The following NT5E variants were observed in gnomAD, a reference collection of about 807,000 sequenced individuals.
NT5E encodes 5'-nucleotidase ecto.
NT5E carries 53 observed loss-of-function variants against 55.1 expected under a neutral mutation model. That is an observed-to-expected ratio of 0.96 (90% confidence interval 0.77 to 1.21). NT5E has a LOEUF of 1.21. Ranked by LOEUF, NT5E falls within the 50% of genes most tolerant of loss-of-function variation. The probability of loss-of-function intolerance (pLI) is 0.00; values close to 1 mark genes in which losing one functional copy is unlikely to be tolerated. For synonymous variants in NT5E, 270 were observed against 278.4 expected, an observed-to-expected ratio of 0.97 and a Z score of 0.30; for missense variants, 683 against 724.3, an observed-to-expected ratio of 0.94 and a Z score of 0.65.
At chr6:85,474,732 C>T (rs145999607) in intron 3 of NT5E, among the ~76,000 whole-genome samples, 53 of 152,144 alleles carry the variant, frequency 3.5e-4, no homozygotes, top group East Asian at 2.5e-3. Context: ...AGTTCGAGAC[C>T]GGCCTGGGCA....
At chr6:85,454,703 A>G (rs1582366810) in intron 1 of NT5E, among the ~76,000 whole-genome samples, 1 of 152,048 alleles carries the variant, frequency 6.6e-6, no homozygotes, top group African/African-American at 2.4e-5. Flanking sequence ...TGTGCTTTTG[A>G]AAGTTTGCCT....
In NT5E at chr6:85,485,341, C is replaced by G. The variant is rs755136612; in HGVS notation, c.858C>G (p.Tyr286Ter). 1 of 1,614,166 alleles carries G rather than the reference C, an allele frequency of 6.2e-7. No homozygotes were observed. Among genetic ancestry groups the G allele is most frequent in the Non-Finnish European group, 8.5e-7 (1 of 1,180,020 alleles). ...TCCAGGCCTATGCTTTTGGCAAATA[C>G]CTAGGCTATCTGAAGATCGAGTTTG... ...PVVQAYAFGK[Y>*]LGYLKIEFDE... The change falls in exon 4 of 9, where the codon TAC becomes TAG. Residue 286 changes from tyrosine (Y) to a stop codon, truncating the protein, a stop_gained. Transcript: ENST00000257770. LOFTEE classifies it high-confidence loss of function.
chr6:85,484,125 G>A (rs1769602733), intron 3 of NT5E, among the ~76,000 whole-genome samples: 1 of 152,234 alleles, frequency 6.6e-6, no homozygotes, highest in Non-Finnish European at 1.5e-5. Flanking sequence ...ACAGGTCCAT[G>A]TGTGTAATCA....
chr6:85,466,950 C>G, intron 1 of NT5E, 110 bp from the exon 2 acceptor site: 1 of 1,048,730 alleles, frequency 9.5e-7, no homozygotes. Context: ...GTGAGGAGGA[C>G]ACAAAATCAT....
chr6:85,491,636 G>T (rs981825871), intron 7 of NT5E, among the ~76,000 whole-genome samples: 6 of 152,212 alleles, frequency 3.9e-5, no homozygotes, highest in Non-Finnish European at 4.4e-5. Context: ...CTCTGCCTCT[G>T]ATCTGTTTCT....
In NT5E at chr6:85,492,086, C is replaced by T. The variant is rs767752225; in HGVS notation, c.1470C>T (p.Asp490=). ...RVPSYDPLKM[D]EVYKVILPNF... is the part of the protein sequence containing the mutation. Reference sequence around the variant, plus strand: ...CCAGTTATGACCCTCTCAAAATGGACGAGGTATATAAGGTGATCCTCCCAA... The same window carrying T: ...CCAGTTATGACCCTCTCAAAATGGATGAGGTATATAAGGTGATCCTCCCAA... Residue 490 remains aspartate, a synonymous_variant, in exon 8 of 9, where the codon GAC becomes GAT. Transcript: ENST00000257770. 40 of 1,613,940 alleles carry T rather than the reference C, an allele frequency of 2.5e-5. No individual in the cohort carries two copies. Among genetic ancestry groups the T allele is most frequent in the Admixed American group, 5.0e-5 (3 of 59,994 alleles).
chr6:85,489,081 T>C (rs2127725218), intron 5 of NT5E, among the ~76,000 whole-genome samples: 1 of 152,282 alleles, frequency 6.6e-6, no homozygotes, highest in East Asian at 1.9e-4. Context: ...CAGGTTCTCT[T>C]TGGCATGAGG....
intron 5 of NT5E, among the ~76,000 whole-genome samples, chr6:85,487,885 T>C (rs1348933222): frequency 6.6e-6 from 1 of 152,256 alleles, no homozygotes; most frequent in African/African-American, 2.4e-5. Context: ...TTACAAGAAC[T>C]AAAACCTTTA....
intron 3 of NT5E, among the ~76,000 whole-genome samples, chr6:85,473,608 C>G (rs965683958): frequency 6.6e-6 from 1 of 152,066 alleles, no homozygotes. Context: ...TGTGTGTGTG[C>G]GTTCACATAC....
chr6:85,456,644 G>A (rs1311363563), intron 1 of NT5E, among the ~76,000 whole-genome samples: 1 of 152,166 alleles, frequency 6.6e-6, no homozygotes, highest in Non-Finnish European at 1.5e-5. Flanking sequence ...GAAAAGGGTG[G>A]GAGGGAGAAG....
intron 5 of NT5E, among the ~76,000 whole-genome samples, chr6:85,488,302 C>T (rs1334822855): frequency 6.6e-6 from 1 of 152,176 alleles, no homozygotes; most frequent in Non-Finnish European, 1.5e-5. Context: ...TCTGTCAGTG[C>T]TTGGCATGCA....
chr6:85,457,285 G>A (rs890853275), intron 1 of NT5E, among the ~76,000 whole-genome samples: 3 of 152,186 alleles, frequency 2.0e-5, no homozygotes, highest in African/African-American at 4.8e-5. Flanking sequence ...TGGATGGGAC[G>A]TCAGAACACC....
At position 85,450,379 on chromosome 6, in the gene NT5E, G is replaced by T. The variant is rs762488656; in HGVS notation, c.240G>T (p.Leu80=). ...GCCGCGCCGAACCCAACGTGCTGCT[G>T]CTGGACGCCGGCGACCAGTACCAGG... ...QIRRAEPNVL[L]LDAGDQYQGT... is the part of the protein sequence containing the mutation. Residue 80 remains leucine, a synonymous_variant, in exon 1 of 9, where the codon CTG becomes CTT. Coordinates refer to ENST00000257770, the MANE Select transcript of NT5E (RefSeq NM_002526.4). The surrounding 1 kb of genome is among the most constrained non-coding windows in gnomAD (Gnocchi z 4.0). 4 of 1,598,990 alleles carry T rather than the reference G, an allele frequency of 2.5e-6. No individual in the cohort carries two copies. In the South Asian group the frequency reaches 4.5e-5, roughly 18 times the overall value.
At chr6:85,469,779 T>C (rs1200718697) in intron 2 of NT5E, among the ~76,000 whole-genome samples, 5 of 152,246 alleles carry the variant, frequency 3.3e-5, no homozygotes, top group Non-Finnish European at 7.3e-5. Context: ...ATCTGTGAGC[T>C]GCTAATTATT....
chr6:85,491,360 G>A (rs1481449377), intron 7 of NT5E: 4 of 334,486 alleles, frequency 1.2e-5, no homozygotes, highest in Non-Finnish European at 2.3e-5. Flanking sequence ...ACCTTAGGTT[G>A]TGGTCCCGCT....
At chr6:85,453,101 G>A (rs914959706) in intron 1 of NT5E, among the ~76,000 whole-genome samples, 2 of 152,054 alleles carry the variant, frequency 1.3e-5, no homozygotes, top group Non-Finnish European at 2.9e-5. Flanking sequence ...GAGACCCCCT[G>A]GAACCACTAC....
chr6:85,475,721 C>T (rs1769420520), intron 3 of NT5E, among the ~76,000 whole-genome samples: 1 of 152,152 alleles, frequency 6.6e-6, no homozygotes, highest in African/African-American at 2.4e-5. Flanking sequence ...CTGTTTGCCT[C>T]CCAGTATTTT....
intron 1 of NT5E, among the ~76,000 whole-genome samples, chr6:85,463,525 C>T (rs1769133863): frequency 6.6e-6 from 1 of 152,064 alleles, no homozygotes; most frequent in Admixed American, 6.5e-5. Context: ...TACAGGAACA[C>T]ATAAGGAAAG....
At chr6:85,485,508 T>A in intron 4 of NT5E, 76 bp downstream of exon 4, 1 of 1,402,784 alleles carries the variant, frequency 7.1e-7, no homozygotes, top group Non-Finnish European at 1.0e-6. Context: ...CCCATTTTTT[T>A]CCTTTAATGT....
Sources: allele counts gnomAD v4.1 joint callset (sites outside exome capture counted in the v4.1 genomes callset), GRCh38; gene constraint gnomAD v4.1.1; non-coding constraint Gnocchi (gnomAD v3.1); transcripts MANE v1.5; gene names NCBI Gene and HGNC (gene_info 2026-07-23, HGNC 2026-07-21).